Variants in CADM2 observed in about 807,000 individuals in gnomAD.
CADM2 encodes cell adhesion molecule 2, also known as immunoglobulin superfamily member 4D.
Under a neutral mutation model 49.8 loss-of-function variants are expected in CADM2, and 12 were observed. That is an observed-to-expected ratio of 0.24 (90% CI 0.15 to 0.39). The LOEUF (loss-of-function observed/expected upper bound fraction) is 0.39. Ranked by LOEUF, CADM2 falls within the 10% of genes least tolerant of loss-of-function variation. CADM2 has a pLI of 1.00. For missense variants in CADM2, 378 were observed against 492.3 expected, an observed-to-expected ratio of 0.77 and a Z score of 2.20; for synonymous variants, 214 against 175.4, an observed-to-expected ratio of 1.22 and a Z score of -1.74.
intron 1 of CADM2, among the ~76,000 whole-genome samples, chr3:85,295,823 T>A (rs1261933888): frequency 1.3e-5 from 2 of 151,978 alleles, no homozygotes; most frequent in Non-Finnish European, 2.9e-5. Context: ...ATATACCTAA[T>A]GCTAGATGAC....
intron 1 of CADM2, among the ~76,000 whole-genome samples, chr3:85,147,565 T>C (rs188242411): frequency 4.6e-4 from 70 of 152,242 alleles, no homozygotes; most frequent in Non-Finnish European, 1.2e-4. Context: ...TTTATCCATA[T>C]TGGTTTTCTT....
chr3:85,396,735 G>A (rs1243447125), intron 1 of CADM2, among the ~76,000 whole-genome samples: 3 of 151,816 alleles, frequency 2.0e-5, no homozygotes, highest in East Asian at 1.9e-4. Context: ...ATATAGTAGG[G>A]CTCATTTAAT....
chr3:85,915,469 G>A (rs186398768), intron 6 of CADM2, among the ~76,000 whole-genome samples: 31 of 152,138 alleles, frequency 2.0e-4, no homozygotes, highest in Non-Finnish European at 2.9e-4. Flanking sequence ...AACATTCTCC[G>A]GAGATTAAAT....
chr3:85,962,912 C>T (rs1725017012), intron 8 of CADM2, among the ~76,000 whole-genome samples: 1 of 151,840 alleles, frequency 6.6e-6, no homozygotes, highest in African/African-American at 2.4e-5. Flanking sequence ...ATATCTTTCC[C>T]TTGAATGCAT....
intron 1 of CADM2, among the ~76,000 whole-genome samples, chr3:85,598,851 GTGTGTATA>G (rs63026762): frequency 0.2 from 30,210 of 148,140 alleles, 3,781 homozygotes; most frequent in East Asian, 0.3. Flanking sequence ...AAGTGTGTGT[GTGTGTATA>G]TATATATATA....
intron 3 of CADM2, among the ~76,000 whole-genome samples, chr3:85,872,840 C>A (rs1025272251): frequency 6.6e-6 from 1 of 151,888 alleles, no homozygotes; most frequent in Non-Finnish European, 1.5e-5. Context: ...TGCTGTCTCT[C>A]GTTTTTACAC....
At chr3:85,605,740 C>T (rs114501190) in intron 1 of CADM2, among the ~76,000 whole-genome samples, 1 of 152,176 alleles carries the variant, frequency 6.6e-6, no homozygotes, top group Non-Finnish European at 1.5e-5. Context: ...TCTTTTGACA[C>T]ATCTTTCCAA....
At chr3:85,006,690 T>C (rs1447447775) in intron 1 of CADM2, among the ~76,000 whole-genome samples, 2 of 152,136 alleles carry the variant, frequency 1.3e-5, no homozygotes, top group Non-Finnish European at 2.9e-5. Context: ...AGCTAATATG[T>C]ACACTTTGAA....
chr3:85,705,189 C>T (rs1577125640), intron 1 of CADM2, among the ~76,000 whole-genome samples: 1 of 147,122 alleles, frequency 6.8e-6, no homozygotes, highest in African/African-American at 2.5e-5. Context: ...TCTTATTTAA[C>T]AAATAATGAG....
At chr3:85,801,562 C>T (rs2072038127) in intron 2 of CADM2, among the ~76,000 whole-genome samples, 1 of 151,926 alleles carries the variant, frequency 6.6e-6, no homozygotes, top group Admixed American at 6.6e-5. Context: ...TTTTTATTTC[C>T]TTTATCAGAA....
At chr3:84,964,980 T>C (rs1168511200) in intron 1 of CADM2, among the ~76,000 whole-genome samples, 1 of 152,210 alleles carries the variant, frequency 6.6e-6, no homozygotes, top group African/African-American at 2.4e-5. Flanking sequence ...TATACATCTT[T>C]AAGTGAATTC....
intron 1 of CADM2, among the ~76,000 whole-genome samples, chr3:85,604,460 A>G (rs1042818476): frequency 2.0e-5 from 3 of 151,976 alleles, no homozygotes; most frequent in Non-Finnish European, 4.4e-5. Context: ...GACATGCTGT[A>G]TTAGTTTACC....
intron 1 of CADM2, among the ~76,000 whole-genome samples, chr3:85,375,567 T>C (rs1435714243): frequency 1.3e-5 from 2 of 152,196 alleles, no homozygotes. Flanking sequence ...TTGTCTTCCT[T>C]CCCAGTAAAG....
rs111226806 is a variant in CADM2 at position 85,531,575 on chromosome 3, A to G, written c.62-194947A>G. On this transcript the variant is annotated intron_variant, in intron 1 of 9. Transcript: ENST00000383699. ...TAACATTTGCAAGAGTATGTTCACC[A>G]ACATTCCTCCTGTGTTTATTTGCAA... Among the ~76,000 whole-genome samples, 627 of 152,290 alleles carry G rather than the reference A, an allele frequency of 4.1e-3. 1 individual carries two copies. The highest frequency in any genetic ancestry group is 0.01 in the Admixed American group (153 of 15,294).
intron 3 of CADM2, among the ~76,000 whole-genome samples, chr3:85,821,817 C>A (rs1194911075): frequency 1.3e-5 from 2 of 151,926 alleles, no homozygotes; most frequent in South Asian, 4.1e-4. Context: ...TACTATAAAA[C>A]AAAATAATAA....
chr3:85,593,302 T>C (rs1419322362), intron 1 of CADM2, among the ~76,000 whole-genome samples: 2 of 152,170 alleles, frequency 1.3e-5, no homozygotes, highest in Middle Eastern at 3.4e-3. Context: ...GCATTAGGTA[T>C]ACTTGTTTGA....
intron 1 of CADM2, among the ~76,000 whole-genome samples, chr3:85,246,108 A>G (rs538515909): frequency 6.6e-6 from 1 of 152,186 alleles, no homozygotes; most frequent in Non-Finnish European, 1.5e-5. Flanking sequence ...TTATTCTACT[A>G]TGCAGCCATA....
chr3:85,342,002 A>G (rs2045252491), intron 1 of CADM2, among the ~76,000 whole-genome samples: 1 of 152,178 alleles, frequency 6.6e-6, no homozygotes, highest in African/African-American at 2.4e-5. Flanking sequence ...AAAAGCCAAA[A>G]TTGACAAATT....
At chr3:85,331,121 A>G (rs1016168475) in intron 1 of CADM2, among the ~76,000 whole-genome samples, 1 of 152,104 alleles carries the variant, frequency 6.6e-6, no homozygotes, top group African/African-American at 2.4e-5. Context: ...TTTTTCGTTT[A>G]TGTTAGCTTC....
Sources: gnomAD v4.1 joint callset for allele counts (sites outside exome capture counted in the v4.1 genomes callset) on GRCh38, gnomAD v4.1.1 for gene constraint, MANE v1.5 for transcripts, NCBI Gene and HGNC (gene_info 2026-07-23, HGNC 2026-07-21) for gene names.